NEDD9: variants seen among roughly 807,000 people sequenced by gnomAD.
NEDD9 encodes the protein enhancer of filamentation 1.
NEDD9 carries 26 observed loss-of-function variants against 76.6 expected under a neutral mutation model. The observed-to-expected ratio is 0.34, with a 90% CI of 0.25 to 0.47. NEDD9 has a LOEUF of 0.47. Among genes scored for constraint, NEDD9 ranks in the 20% least tolerant of loss-of-function variants. The pLI, the probability that NEDD9 is intolerant of heterozygous loss-of-function variation, is 1.00. For missense variants in NEDD9, 937 were observed against 1,058.5 expected, an observed-to-expected ratio of 0.89 and a Z score of 1.59; for synonymous variants, 392 against 414.2, an observed-to-expected ratio of 0.95 and a Z score of 0.65.
At chr6:11,375,529 A>G (rs1381355066) in intron 1 of NEDD9, among the ~76,000 whole-genome samples, 1 of 152,198 alleles carries the variant, frequency 6.6e-6, no homozygotes, top group Non-Finnish European at 1.5e-5. Context: ...CCACAGTGTT[A>G]GAGGTGGGGC....
upstream of NEDD9, among the ~76,000 whole-genome samples, chr6:11,235,402 G>A (rs1410232423): frequency 1.3e-5 from 2 of 152,152 alleles, no homozygotes; most frequent in Non-Finnish European, 2.9e-5. This position sits in a 1 kb window ranked among gnomAD's most constrained non-coding sequence, Gnocchi z 4.1. Flanking sequence ...GTTATCACTA[G>A]AGCACCTAGC....
chr6:11,342,809 TG>T (rs1207053696), intron 1 of NEDD9, among the ~76,000 whole-genome samples: 2 of 152,130 alleles, frequency 1.3e-5, no homozygotes, highest in African/African-American at 4.8e-5. Flanking sequence ...AAATAATGAC[TG>T]ATAAATGCAG....
At chr6:11,310,331 A>G (rs924675803) in intron 2 of NEDD9, among the ~76,000 whole-genome samples, 3 of 151,290 alleles carry the variant, frequency 2.0e-5, no homozygotes, top group African/African-American at 7.3e-5. Flanking sequence ...GCCCACTGAA[A>G]CCCCTGAGCT....
intron 2 of NEDD9, among the ~76,000 whole-genome samples, chr6:11,309,864 T>C (rs1454106959): frequency 6.6e-6 from 1 of 152,148 alleles, no homozygotes; most frequent in Non-Finnish European, 1.5e-5. Context: ...ATATCCATAG[T>C]TTTTATTTGA....
chr6:11,259,330 G>A (rs1056578877), intron 3 of NEDD9, among the ~76,000 whole-genome samples: 5 of 152,158 alleles, frequency 3.3e-5, no homozygotes, highest in African/African-American at 1.2e-4. Context: ...GGCAGCAAGG[G>A]CTAATCTCAA....
intron 1 of NEDD9, among the ~76,000 whole-genome samples, chr6:11,380,251 G>A (rs1280656342): frequency 1.3e-5 from 2 of 152,178 alleles, no homozygotes; most frequent in South Asian, 4.1e-4. Context: ...CTTAGCTTGG[G>A]TTCCCCCAGA....
At chr6:11,283,097 C>T (rs1206834922) in intron 3 of NEDD9, among the ~76,000 whole-genome samples, 1 of 152,246 alleles carries the variant, frequency 6.6e-6, no homozygotes, top group African/African-American at 2.4e-5. Context: ...GAATGTTCTA[C>T]TAGCTGCCCA....
chr6:11,232,524 C>T lies in NEDD9; in HGVS notation c.-9G>A, dbSNP rs1022353537. ...CTTACCTTATACTTCATTTCGGCAG[C>T]GGTGGGTTGAGCCGTTTTCCTACAC... On this transcript the variant is annotated 5_prime_UTR_variant, in exon 1 of 7. Transcript: ENST00000379446. 3.1e-6 allele frequency: 5 copies of T among 1,614,088 alleles called. No individual in the cohort carries two copies. In the African/African-American group the frequency reaches 6.7e-5, roughly 22 times the overall value.
chr6:11,358,121 T>C (rs1220593963), intron 1 of NEDD9, among the ~76,000 whole-genome samples: 1 of 151,868 alleles, frequency 6.6e-6, no homozygotes, highest in Non-Finnish European at 1.5e-5. Flanking sequence ...GCGTGCTGCA[T>C]GCCTGTAGTC....
intron 2 of NEDD9, among the ~76,000 whole-genome samples, chr6:11,204,686 C>T (rs1413028176): frequency 1.4e-5 from 2 of 140,428 alleles, no homozygotes; most frequent in East Asian, 4.3e-4. Flanking sequence ...TGCCACTGCA[C>T]TCCAGCCTGG....
intron 1 of NEDD9, among the ~76,000 whole-genome samples, chr6:11,350,725 G>A (rs1391047641): frequency 1.3e-5 from 2 of 152,188 alleles, no homozygotes; most frequent in Admixed American, 1.3e-4. Flanking sequence ...TGCTGGAGGG[G>A]ATATGACTAA....
At chr6:11,345,312 C>T (rs753801155) in intron 1 of NEDD9, among the ~76,000 whole-genome samples, 22 of 152,178 alleles carry the variant, frequency 1.4e-4, no homozygotes, top group Non-Finnish European at 2.6e-4. Flanking sequence ...TGACAAGGAA[C>T]TGTGACATCT....
At chr6:11,376,677 A>G (rs980670229) in intron 1 of NEDD9, among the ~76,000 whole-genome samples, 1 of 152,230 alleles carries the variant, frequency 6.6e-6, no homozygotes, top group Non-Finnish European at 1.5e-5. Flanking sequence ...AGGGAAACAG[A>G]GTGTAAAAGT....
At chr6:11,209,193 T>C (rs1421847436) in intron 2 of NEDD9, among the ~76,000 whole-genome samples, 1 of 152,240 alleles carries the variant, frequency 6.6e-6, no homozygotes, top group African/African-American at 2.4e-5. Context: ...TATTAATTTC[T>C]ATTTTGCAGT....
chr6:11,212,423 TCC>T (rs1397253219), intron 2 of NEDD9, among the ~76,000 whole-genome samples: 1 of 152,168 alleles, frequency 6.6e-6, no homozygotes, highest in Non-Finnish European at 1.5e-5. Flanking sequence ...TGCTTCTGTC[TCC>T]CCCACGGCAA....
intron 3 of NEDD9, among the ~76,000 whole-genome samples, chr6:11,268,209 T>G (rs1432792218): frequency 6.6e-6 from 1 of 152,054 alleles, no homozygotes; most frequent in African/African-American, 2.4e-5. Flanking sequence ...TTTGTATTGC[T>G]TTTTAATAGA....
intron 2 of NEDD9, among the ~76,000 whole-genome samples, chr6:11,206,918 T>A (rs955379818): frequency 1.3e-5 from 2 of 152,208 alleles, no homozygotes; most frequent in East Asian, 1.9e-4. Flanking sequence ...GGGGTGACAT[T>A]TTAGATGGCA....
chr6:11,372,140 C>A (rs73366868), intron 1 of NEDD9, among the ~76,000 whole-genome samples: 7 of 151,740 alleles, frequency 4.6e-5, no homozygotes, highest in East Asian at 1.9e-4. Context: ...TAATCCCCCC[C>A]ACCCACAACG....
At chr6:11,374,028 C>T (rs1433394042) in intron 1 of NEDD9, among the ~76,000 whole-genome samples, 2 of 151,776 alleles carry the variant, frequency 1.3e-5, no homozygotes, top group Non-Finnish European at 2.9e-5. Context: ...TTGTGTGAAC[C>T]AACTTCATAA....
Sources: allele counts gnomAD v4.1 joint callset (sites outside exome capture counted in the v4.1 genomes callset), GRCh38; gene constraint gnomAD v4.1.1; non-coding constraint Gnocchi (gnomAD v3.1); transcripts MANE v1.5; gene names NCBI Gene and HGNC (gene_info 2026-07-23, HGNC 2026-07-21).